SCAF11: variants seen among roughly 807,000 people sequenced by gnomAD.
SCAF11 encodes the protein protein SCAF11.
A neutral mutation model predicts 140.5 loss-of-function variants in SCAF11; 47 were observed. That is an observed-to-expected ratio of 0.33 (90% CI 0.26 to 0.43). SCAF11 has a LOEUF of 0.43. Among genes scored for constraint, SCAF11 ranks in the 20% least tolerant of loss-of-function variants. The pLI is 1.00. For missense variants in SCAF11, 1,645 were observed against 1,705.1 expected, an observed-to-expected ratio of 0.96 and a Z score of 0.62; for synonymous variants, 557 against 579.4, an observed-to-expected ratio of 0.96 and a Z score of 0.55.
At chr12:45,957,570 ACT>A (rs2136599222) in intron 3 of SCAF11, among the ~76,000 whole-genome samples, 1 of 151,892 alleles carries the variant, frequency 6.6e-6, no homozygotes, top group African/African-American at 2.4e-5. Flanking sequence ...ATTAACCTTT[ACT>A]CTCTCATACT....
chr12:45,987,222 G>A (rs1946477292), intron 1 of SCAF11, among the ~76,000 whole-genome samples: 1 of 152,188 alleles, frequency 6.6e-6, no homozygotes, highest in African/African-American at 2.4e-5. Flanking sequence ...CTGGGAGACA[G>A]CGAGATGCTA....
intron 1 of SCAF11, among the ~76,000 whole-genome samples, chr12:45,966,340 T>C (rs79263241): frequency 6.8e-6 from 1 of 146,576 alleles, no homozygotes; most frequent in Middle Eastern, 3.6e-3. Context: ...TTTGTGGGAT[T>C]TTTTTTTTTT....
chr12:45,939,027 C>T (rs1413923230), intron 6 of SCAF11, among the ~76,000 whole-genome samples: 1 of 149,010 alleles, frequency 6.7e-6, no homozygotes, highest in Non-Finnish European at 1.5e-5. Flanking sequence ...GTGATATTTC[C>T]TCAACAAATT....
At chr12:45,978,931 GTTAA>G (rs1283143770) in intron 1 of SCAF11, among the ~76,000 whole-genome samples, 1 of 152,066 alleles carries the variant, frequency 6.6e-6, no homozygotes, top group African/African-American at 2.4e-5. Flanking sequence ...ACTTGAGACA[GTTAA>G]TTTATAAAAA....
intron 5 of SCAF11, among the ~76,000 whole-genome samples, chr12:45,948,031 A>G (rs1456616572): frequency 1.3e-5 from 2 of 152,198 alleles, no homozygotes; most frequent in African/African-American, 2.4e-5. Context: ...GGTTTGGTCT[A>G]AAACAGATTC....
intron 1 of SCAF11, among the ~76,000 whole-genome samples, chr12:45,967,003 G>A (rs374703802): frequency 3.9e-5 from 6 of 152,056 alleles, no homozygotes; most frequent in South Asian, 2.1e-4. Context: ...TTTATGTAAC[G>A]CAATGATTTA....
chr12:45,960,667 T>C (rs918206517), intron 3 of SCAF11: 2 of 152,160 alleles, frequency 1.3e-5, no homozygotes, highest in Non-Finnish European at 2.9e-5. Flanking sequence ...ATATGTATAC[T>C]ATTATTAATT....
chr12:45,947,376 G>A (rs1271888146), intron 5 of SCAF11, among the ~76,000 whole-genome samples: 10 of 151,968 alleles, frequency 6.6e-5, no homozygotes, highest in African/African-American at 2.4e-5. Flanking sequence ...AATAGGCAAT[G>A]GTTTTAACAG....
intron 6 of SCAF11, chr12:45,944,962 A>G: frequency 5.6e-6 from 2 of 357,434 alleles, no homozygotes; most frequent in Non-Finnish European, 1.0e-5. Flanking sequence ...AATGGGTGGA[A>G]TAAGGCCACA....
intron 12 of SCAF11, among the ~76,000 whole-genome samples, chr12:45,924,166 A>T (rs894297049): frequency 6.6e-6 from 1 of 152,340 alleles, no homozygotes; most frequent in Non-Finnish European, 1.5e-5. Context: ...TTTAAAAGGC[A>T]GTCATAAAAT....
Position 45,972,036 on chromosome 12 carries a change from G to A in SCAF11, c.-21-7848C>T, listed in dbSNP as rs11829302. Among the ~76,000 whole-genome samples, 1,204 of 152,154 alleles carry A rather than the reference G, an allele frequency of 7.9e-3. 21 individuals carry two copies. The highest frequency in any genetic ancestry group is 0.027 in the African/African-American group (1,124 of 41,492). ...ACTCAAGAAAGTAACAGCTGTTTTTGAACTCCTAACTCACCCAAGCTGAAC... is the reference window on the plus strand; with the variant it reads ...ACTCAAGAAAGTAACAGCTGTTTTTAAACTCCTAACTCACCCAAGCTGAAC... On this transcript the variant is annotated intron_variant, in intron 1 of 14. Coordinates refer to ENST00000369367, the MANE Select transcript of SCAF11 (RefSeq NM_004719.3).
At chr12:45,931,462 A>C in intron 10 of SCAF11, 44 bp downstream of exon 10, 4 of 1,018,984 alleles carry the variant, frequency 3.9e-6, no homozygotes, top group Non-Finnish European at 5.4e-6. Flanking sequence ...GAAGAAACTA[A>C]TAATAATAAT....
Position 45,927,385 on chromosome 12 carries a change from T to C in SCAF11, c.2316A>G (p.Gln772=), listed in dbSNP as rs938979042. The change falls in exon 11 of 15, where the codon CAA becomes CAG. Residue 772 remains glutamine, a synonymous_variant. Coordinates refer to ENST00000369367, the MANE Select transcript of SCAF11 (RefSeq NM_004719.3). The part of the protein sequence containing the change: ...LADEKVETVS[Q]PSESPKDTID... The stretch of plus-strand genomic sequence containing the variant: ...TGGTATCTTTTGGGCTTTCAGATGG[T>C]TGAGAAACAGTTTCAACCTTTTCAT... The C allele has an allele frequency of 6.2e-7, 1 of 1,614,128 alleles. No homozygotes were observed. Among genetic ancestry groups the C allele is most frequent in the African/African-American group, 1.3e-5 (1 of 75,044 alleles).
Position 45,922,034 on chromosome 12 carries a change from C to T in SCAF11, c.*14G>A, listed in dbSNP as rs747729493. 5 of 1,605,104 alleles carry T rather than the reference C, an allele frequency of 3.1e-6. No individual in the cohort carries two copies. Among genetic ancestry groups the T allele is most frequent in the African/African-American group, 2.7e-5 (2 of 74,196 alleles). On this transcript the variant is annotated 3_prime_UTR_variant, in exon 15 of 15. Coordinates refer to ENST00000369367, the MANE Select transcript of SCAF11 (RefSeq NM_004719.3). ...GCAGATATCCTGATAATGTCCTTGACAGCGTTCCCCATTTCAGCCTATGTT... is the reference window on the plus strand; with the variant it reads ...GCAGATATCCTGATAATGTCCTTGATAGCGTTCCCCATTTCAGCCTATGTT...
intron 1 of SCAF11, among the ~76,000 whole-genome samples, chr12:45,979,581 C>T (rs1946306008): frequency 6.6e-6 from 1 of 152,110 alleles, no homozygotes. Context: ...ATACTAATCC[C>T]TTACAAATTG....
In SCAF11 at chr12:45,934,459, T is replaced by C; in HGVS notation, c.510A>G (p.Ile170Met). ...SETGGKKNAA[I>M]KINKPQRSNW... is the part of the protein sequence containing the mutation. ...GGTTTCAACAAACCTTATTTATCTTTATTGCTGCATTTTTCTTTCCTCCTG... is the reference window on the plus strand; with the variant it reads ...GGTTTCAACAAACCTTATTTATCTTCATTGCTGCATTTTTCTTTCCTCCTG... The change falls in exon 7 of 15, where the codon ATA becomes ATG. Residue 170 changes from isoleucine to methionine, a missense_variant. Around this residue, in one of 2 missense-constraint regions of SCAF11, gnomAD observed 1,582 missense variants for 1,609.2 expected, o/e 0.98. Transcript: ENST00000369367. The C allele has an allele frequency of 6.3e-7, 1 of 1,595,654 alleles. No individual in the cohort carries two copies. Among genetic ancestry groups the C allele is most frequent in the Non-Finnish European group, 8.5e-7 (1 of 1,174,026 alleles).
At chr12:45,987,329 G>A (rs920052905) in intron 1 of SCAF11, among the ~76,000 whole-genome samples, 1 of 152,202 alleles carries the variant, frequency 6.6e-6, no homozygotes, top group Non-Finnish European at 1.5e-5. Flanking sequence ...GGCAGTTTAT[G>A]CTACAGACTG....
chr12:45,935,425 C>G (rs1004242169), intron 6 of SCAF11, among the ~76,000 whole-genome samples: 1 of 152,178 alleles, frequency 6.6e-6, no homozygotes, highest in Non-Finnish European at 1.5e-5. Flanking sequence ...TGCCTTACCC[C>G]TTTGAAAATC....
chr12:45,925,146 C>T, intron 11 of SCAF11, 72 bp from the exon 12 acceptor site: 4 of 1,193,758 alleles, frequency 3.4e-6, no homozygotes, highest in Non-Finnish European at 4.7e-6. Context: ...CAAAGAACCA[C>T]TGGTTACAGT....
Sources: allele counts gnomAD v4.1 joint callset (sites outside exome capture counted in the v4.1 genomes callset), GRCh38; gene constraint gnomAD v4.1.1; regional missense constraint gnomAD v4.1.1; transcripts MANE v1.5; gene names NCBI Gene and HGNC (gene_info 2026-07-23, HGNC 2026-07-21).